The following CFAP92 variants were observed in gnomAD, a reference collection of about 807,000 sequenced individuals.
The protein encoded by CFAP92 is uncharacterized protein CFAP92.
CFAP92 carries 86 observed loss-of-function variants against 106.3 expected under a neutral mutation model. The ratio of observed to expected loss-of-function variants is 0.81; its 90% confidence interval spans 0.68 to 0.97. CFAP92 has a LOEUF of 0.97. Among genes scored for constraint, CFAP92 ranks in the 50% least tolerant of loss-of-function variants. The pLI, the probability that CFAP92 is intolerant of heterozygous loss-of-function variation, is 0.00. For synonymous variants in CFAP92, 477 were observed against 506.4 expected, an observed-to-expected ratio of 0.94 and a Z score of 0.78; for missense variants, 1,204 against 1,283.8, an observed-to-expected ratio of 0.94 and a Z score of 0.95.
intron 1 of CFAP92, among the ~76,000 whole-genome samples, chr3:129,000,848 G>A (rs894328932): frequency 1.2e-4 from 18 of 152,196 alleles, no homozygotes; most frequent in African/African-American, 3.9e-4. Flanking sequence ...TCGGGAGAGA[G>A]CAGTTAGCAC....
intron 1 of CFAP92, among the ~76,000 whole-genome samples, chr3:129,001,178 C>T (rs1944717292): frequency 6.6e-6 from 1 of 152,252 alleles, no homozygotes. Flanking sequence ...CCCCAAGGCC[C>T]TCCTGGGCTT....
At position 128,978,101 on chromosome 3, in the gene CFAP92, T is replaced by C. The variant is rs571147694; in HGVS notation, c.752A>G (p.Gln251Arg). ...NTNIVREESN[Q>R]EHPPGKQEKT... ...TTCTTGTTTTCCTGGCGGATGTTCC[T>C]GGTTCGACTCTTCTCTGACAATGTT... Residue 251 changes from glutamine (Q) to arginine (R), a missense_variant, in exon 5 of 16, where the codon CAG (glutamine) becomes CGG (arginine). Physicochemically the swap from Gln to Arg is conservative, Grantham distance 43. Transcript: ENST00000645291. 2.5e-6 allele frequency: 4 copies of C among 1,614,028 alleles called. No individual in the cohort carries two copies. The East Asian group carries it at 6.7e-5, about 27-fold the overall frequency.
chr3:128,937,835 G>C (rs1939203469), intron 10 of CFAP92, among the ~76,000 whole-genome samples: 1 of 152,082 alleles, frequency 6.6e-6, no homozygotes, highest in Non-Finnish European at 1.5e-5. Context: ...CTGAGAGGCA[G>C]GTGGATCACC....
At chr3:129,015,427 G>T in the CFAP92 span, among the ~76,000 whole-genome samples, 2 of 152,100 alleles carry the variant, frequency 1.3e-5, no homozygotes, top group South Asian at 4.1e-4. Context: ...TTCGGGGGGG[G>T]AGGTTGCGGG....
chr3:128,944,647 C>T (rs1439466558), intron 10 of CFAP92, among the ~76,000 whole-genome samples: 1 of 152,232 alleles, frequency 6.6e-6, no homozygotes, highest in Non-Finnish European at 1.5e-5. Flanking sequence ...TTTAATTATT[C>T]ACTTCTAGTG....
chr3:128,913,903 T>C (rs997842074), intron 15 of CFAP92, among the ~76,000 whole-genome samples: 1 of 152,062 alleles, frequency 6.6e-6, no homozygotes, highest in Non-Finnish European at 1.5e-5. Context: ...GGGGAGGGGC[T>C]GTCAGACCCA....
upstream of CFAP92, among the ~76,000 whole-genome samples, chr3:128,995,228 C>T (rs1026594257): frequency 6.6e-6 from 1 of 152,168 alleles, no homozygotes; most frequent in African/African-American, 2.4e-5. Context: ...CCTGAGCCTC[C>T]CAGTGCATGC....
At chr3:129,001,774 T>C in intron 1 of CFAP92, 1 of 1,543,160 alleles carries the variant, frequency 6.5e-7, no homozygotes. Flanking sequence ...AACGAGATCG[T>C]GGTGCTGGCC....
chr3:128,949,194 AATTTC>A (rs1940550805), intron 9 of CFAP92, among the ~76,000 whole-genome samples: 2 of 152,224 alleles, frequency 1.3e-5, no homozygotes, highest in Admixed American at 1.3e-4. Context: ...ATAGCCTAGC[AATTTC>A]ATTTGTTGGC....
chr3:129,012,947 T>C, the CFAP92 span, among the ~76,000 whole-genome samples: 5 of 152,174 alleles, frequency 3.3e-5, no homozygotes, highest in African/African-American at 4.8e-5. Flanking sequence ...TGGTTTTCTT[T>C]ATTTAAGGTG....
Position 128,993,315 on chromosome 3 carries a change from G to C in CFAP92, c.-11C>G. ...GGCATGTAGCGACATGCTGCAGAGC[G>C]CACTGCTGGCCGCCGGCGCTCCTGG... On this transcript the variant is annotated 5_prime_UTR_variant, in exon 2 of 16. Coordinates refer to ENST00000645291, the MANE Select transcript of CFAP92 (RefSeq NM_001394090.1). 1 of 1,608,848 alleles carries C rather than the reference G, an allele frequency of 6.2e-7. No homozygotes were observed. The highest frequency in any genetic ancestry group is 1.1e-5 in the South Asian group (1 of 90,680).
chr3:129,009,143 T>A, the CFAP92 span, among the ~76,000 whole-genome samples: 1 of 152,194 alleles, frequency 6.6e-6, no homozygotes, highest in Non-Finnish European at 1.5e-5. Flanking sequence ...CCAACTTAGT[T>A]CCAACCACTC....
chr3:128,973,481 ACT>A (rs1252395661), intron 7 of CFAP92, among the ~76,000 whole-genome samples: 2 of 152,006 alleles, frequency 1.3e-5, no homozygotes, highest in Admixed American at 6.6e-5. Context: ...ACATGGAGAA[ACT>A]CTGTCTCTAC....
intron 15 of CFAP92, among the ~76,000 whole-genome samples, chr3:128,911,724 G>A (rs1936346874): frequency 6.6e-6 from 1 of 152,260 alleles, no homozygotes; most frequent in African/African-American, 2.4e-5. Context: ...TTACAGGCAT[G>A]AGCCACTGTG....
intron 9 of CFAP92, among the ~76,000 whole-genome samples, chr3:128,960,521 G>A (rs1559900210): frequency 6.6e-6 from 1 of 151,954 alleles, no homozygotes; most frequent in Non-Finnish European, 1.5e-5. Flanking sequence ...TCATTTTCTG[G>A]TAGAGACAAA....
At chr3:128,919,303 G>A (rs1197652416) in intron 12 of CFAP92, among the ~76,000 whole-genome samples, 1 of 151,916 alleles carries the variant, frequency 6.6e-6, no homozygotes. Context: ...CAAAGATACA[G>A]GTTTGACAAC....
chr3:128,996,553 C>T (rs1353129244), upstream of CFAP92, among the ~76,000 whole-genome samples: 2 of 152,286 alleles, frequency 1.3e-5, no homozygotes, highest in East Asian at 1.9e-4. Context: ...TACAACCCTA[C>T]CTCAGTGAAG....
At chr3:128,953,931 C>A (rs1941116064) in intron 9 of CFAP92, among the ~76,000 whole-genome samples, 1 of 95,090 alleles carries the variant, frequency 1.1e-5, no homozygotes, top group Non-Finnish European at 1.8e-5. Flanking sequence ...GGCTGGAGTG[C>A]AGTGGCGTGA....
intron 15 of CFAP92, among the ~76,000 whole-genome samples, chr3:128,911,160 G>C (rs1194530940): frequency 6.6e-6 from 1 of 151,864 alleles, no homozygotes; most frequent in Non-Finnish European, 1.5e-5. Context: ...GGGTTCAAGC[G>C]ATTCTTCTGC....
Sources: gnomAD v4.1 joint callset for allele counts (sites outside exome capture counted in the v4.1 genomes callset) on GRCh38, gnomAD v4.1.1 for gene constraint, MANE v1.5 for transcripts, NCBI Gene and HGNC (gene_info 2026-07-23, HGNC 2026-07-21) for gene names.